Variants in SLC10A7 observed in about 807,000 individuals in gnomAD.
SLC10A7 encodes sodium/bile acid cotransporter 7.
A neutral mutation model predicts 43.2 loss-of-function variants in SLC10A7; 29 were observed. That is an observed-to-expected ratio of 0.67 (90% CI 0.50 to 0.92). The LOEUF (loss-of-function observed/expected upper bound fraction) is 0.92. Among genes scored for constraint, SLC10A7 ranks in the 40% least tolerant of loss-of-function variants. SLC10A7 has a pLI of 0.00. For missense variants in SLC10A7, 295 were observed against 403.2 expected, an observed-to-expected ratio of 0.73 and a Z score of 2.30; for synonymous variants, 152 against 144.8, an observed-to-expected ratio of 1.05 and a Z score of -0.35.
chr4:146,392,247 T>A (rs1738487101), intron 5 of SLC10A7, among the ~76,000 whole-genome samples: 1 of 152,278 alleles, frequency 6.6e-6, no homozygotes, highest in African/African-American at 2.4e-5. Flanking sequence ...GTTCCCATTC[T>A]CACATGAAGG....
intron 10 of SLC10A7, among the ~76,000 whole-genome samples, chr4:146,259,594 C>T (rs1024345691): frequency 6.6e-6 from 1 of 152,164 alleles, no homozygotes; most frequent in African/African-American, 2.4e-5. Flanking sequence ...GAGTGAGACC[C>T]TGTCTCGAAA....
chr4:146,340,184 G>A (rs1734163111), intron 5 of SLC10A7, among the ~76,000 whole-genome samples: 1 of 151,746 alleles, frequency 6.6e-6, no homozygotes, highest in Admixed American at 6.6e-5. Flanking sequence ...ACCTAGAGAT[G>A]CATCCTAGAC....
chr4:146,520,880 G>T (rs1292496395), intron 1 of SLC10A7, among the ~76,000 whole-genome samples: 1 of 152,110 alleles, frequency 6.6e-6, no homozygotes, highest in African/African-American at 2.4e-5. Context: ...TCCCACCAGT[G>T]CCCATCATCT....
In SLC10A7 at chr4:146,510,006, AT is replaced by A; in HGVS notation, c.226del (p.Ile76PhefsTer30). The A allele has an allele frequency of 6.2e-7, 1 of 1,613,476 alleles. No individual in the cohort carries two copies. The highest frequency in any genetic ancestry group is 8.5e-7 in the Non-Finnish European group (1 of 1,179,698). ...GAAGAATGCAAGAGTAAAGATCTGA[AT>A]AAAAAGATGCAGTTTTAGATGCACC... Reference protein sequence around the residue: ...ALVHLKLHLFIQIFTLAFFPA... With the variant: ...ALVHLKLHLFXQIFTLAFFPA... On this transcript the variant is annotated frameshift_variant, in exon 3 of 12. Transcript: ENST00000335472. LOFTEE classifies it high-confidence loss of function.
chr4:146,406,392 T>C (rs1727697215), intron 5 of SLC10A7, among the ~76,000 whole-genome samples: 1 of 152,192 alleles, frequency 6.6e-6, no homozygotes, highest in Non-Finnish European at 1.5e-5. Flanking sequence ...ATACCTAATA[T>C]ATAAACCAAT....
In SLC10A7 at chr4:146,298,452, T is replaced by C. The variant is rs78849314; in HGVS notation, c.556-4357A>G. Among the ~76,000 whole-genome samples, 1,028 of 152,284 alleles carry C rather than the reference T, an allele frequency of 6.8e-3. 13 individuals carry two copies. Among genetic ancestry groups the C allele is most frequent in the African/African-American group, 0.023 (971 of 41,566 alleles). On this transcript the variant is annotated intron_variant, in intron 7 of 11. Transcript: ENST00000335472. ...ATGGAAGACTAATATGAAAGGCCCA[T>C]CTCAAACTGAAACAAATCACTAATG...
intron 5 of SLC10A7, among the ~76,000 whole-genome samples, chr4:146,399,930 C>A (rs906025980): frequency 7.2e-5 from 11 of 152,010 alleles, no homozygotes; most frequent in African/African-American, 2.7e-4. Context: ...ACAGAACAAG[C>A]ATTTTGATGT....
intron 10 of SLC10A7, among the ~76,000 whole-genome samples, chr4:146,266,242 C>T (rs976932938): frequency 4.6e-5 from 7 of 152,182 alleles, no homozygotes; most frequent in African/African-American, 1.7e-4. Flanking sequence ...CTATTTCTTC[C>T]TCCTTAGTGA....
chr4:146,373,743 CTTAAT>C (rs747081518), intron 5 of SLC10A7, among the ~76,000 whole-genome samples: 288 of 152,232 alleles, frequency 1.9e-3, no homozygotes, highest in Middle Eastern at 3.4e-3. Context: ...CCACCAGAAT[CTTAAT>C]TTAATCAGTC....
chr4:146,500,830 C>T (rs1446389262), intron 4 of SLC10A7, among the ~76,000 whole-genome samples: 1 of 152,128 alleles, frequency 6.6e-6, no homozygotes, highest in African/African-American at 2.4e-5. Context: ...AGCTTTTATC[C>T]CAATGCTCCA....
At chr4:146,292,199 T>A (rs184609176) in intron 9 of SLC10A7, among the ~76,000 whole-genome samples, 3 of 152,178 alleles carry the variant, frequency 2.0e-5, no homozygotes, top group Non-Finnish European at 4.4e-5. Flanking sequence ...CTTCATTCTA[T>A]AGGCACTGGA....
At chr4:146,440,794 G>C (rs1000321614) in intron 5 of SLC10A7, among the ~76,000 whole-genome samples, 2 of 152,136 alleles carry the variant, frequency 1.3e-5, no homozygotes, top group Non-Finnish European at 2.9e-5. Flanking sequence ...AGCAAGGAAA[G>C]GAAGGGGAAT....
chr4:146,360,735 G>T lies in SLC10A7; in HGVS notation c.436-34739C>A, dbSNP rs1735987340. Among the ~76,000 whole-genome samples, 4 of 152,128 alleles carry T rather than the reference G, an allele frequency of 2.6e-5. No homozygotes were observed. The South Asian group carries it at 8.3e-4, about 32-fold the overall frequency. On this transcript the variant is annotated intron_variant, in intron 5 of 11. Coordinates refer to ENST00000335472, the MANE Select transcript of SLC10A7 (RefSeq NM_001029998.6). The stretch of plus-strand genomic sequence containing the variant: ...GACTCCCAAAATGCTGGGATTACAG[G>T]CATGAGCCACCATGCCCAGCCTCTC...
rs770345898 is a variant in SLC10A7, at chr4:146,283,244, T to C, written c.795A>G (p.Pro265=). Residue 265 remains proline (P), a synonymous_variant, in exon 10 of 12, where the codon CCA becomes CCG. Transcript: ENST00000335472. ...FSTRNNSGFT[P]ADTVAIIFCS... is the part of the protein sequence containing the mutation. ...AGAAAATGATAGCCACTGTGTCTGC[T>C]GGTGTGAAACCCGAATTATTCCTAG... 31 of 1,613,406 alleles carry C rather than the reference T, an allele frequency of 1.9e-5. No individual in the cohort carries two copies. The highest frequency in any genetic ancestry group is 2.1e-5 in the Non-Finnish European group (25 of 1,179,620).
At chr4:146,422,783 A>G (rs970282358) in intron 5 of SLC10A7, among the ~76,000 whole-genome samples, 11 of 152,142 alleles carry the variant, frequency 7.2e-5, no homozygotes, top group African/African-American at 2.4e-4. Context: ...AGGTCCTCTT[A>G]GTCTGAAATG....
chr4:146,313,948 C>T (rs79677458), intron 6 of SLC10A7, among the ~76,000 whole-genome samples: 9,813 of 152,186 alleles, frequency 0.064, 426 homozygotes, highest in South Asian at 0.19. Context: ...ACCTATATTA[C>T]TTAGGATATA....
intron 4 of SLC10A7, among the ~76,000 whole-genome samples, chr4:146,487,282 C>A (rs1015747761): frequency 6.6e-6 from 1 of 152,192 alleles, no homozygotes; most frequent in African/African-American, 2.4e-5. Flanking sequence ...CCTCTCCTTA[C>A]CTGACTTGCA....
intron 10 of SLC10A7, among the ~76,000 whole-genome samples, chr4:146,280,162 T>C (rs1285718075): frequency 7.9e-5 from 12 of 152,118 alleles, no homozygotes; most frequent in Admixed American, 7.9e-4. Flanking sequence ...CTACGTGAGA[T>C]GTTAAAGATG....
rs1727811959 is a variant in SLC10A7, at chr4:146,254,833, T to G, written c.*1658A>C. 6.6e-6 allele frequency: 1 copy of G among 152,208 alleles called. No homozygotes were observed. Among genetic ancestry groups the G allele is most frequent in the Non-Finnish European group, 1.5e-5 (1 of 68,044 alleles). The allele number at this position is 152,208 out of a possible 1,614,324, so 9.4% of individuals were successfully genotyped here. On this transcript the variant is annotated 3_prime_UTR_variant, in exon 12 of 12. Coordinates refer to ENST00000335472, the MANE Select transcript of SLC10A7 (RefSeq NM_001029998.6). ...TTACCTAAGCAAAATTACTGTAGTT[T>G]TAGACACAAGTAAAATTCTTTATAA...
Sources: allele counts gnomAD v4.1 joint callset (sites outside exome capture counted in the v4.1 genomes callset), GRCh38; gene constraint gnomAD v4.1.1; transcripts MANE v1.5; gene names NCBI Gene and HGNC (gene_info 2026-07-23, HGNC 2026-07-21).